The following ZC3H12B variants were observed in gnomAD, a reference collection of about 807,000 sequenced individuals.
ZC3H12B encodes the protein zinc finger CCCH-type containing 12B, also known as probable ribonuclease ZC3H12B.
ZC3H12B carries 7 observed loss-of-function variants against 43.9 expected under a neutral mutation model. The observed-to-expected ratio is 0.16, with a 90% confidence interval of 0.09 to 0.30. The LOEUF is 0.30. Ranked by LOEUF, ZC3H12B falls within the 10% of genes least tolerant of loss-of-function variation. The pLI is 1.00. For synonymous variants in ZC3H12B, 222 were observed against 241.7 expected (o/e 0.92, Z 0.76); for missense variants, 475 against 670.2 (o/e 0.71, Z 3.22).
the ZC3H12B span, among the ~76,000 whole-genome samples, chrX:65,334,911 C>A: frequency 8.9e-6 from 1 of 111,801 alleles, no homozygotes; most frequent in Non-Finnish European, 1.9e-5. Flanking sequence ...GTAATTGCCC[C>A]ATCCCCCATG....
At chrX:65,150,435 G>T in the ZC3H12B span, among the ~76,000 whole-genome samples, 1 of 109,053 alleles carries the variant, frequency 9.2e-6, no homozygotes, top group South Asian at 4.0e-4. Context: ...TTACATATTC[G>T]TGTGCCATGG....
chrX:65,121,874 A>T, the ZC3H12B span, among the ~76,000 whole-genome samples: 4 of 111,596 alleles, frequency 3.6e-5, no homozygotes, highest in African/African-American at 1.3e-4. Context: ...TTCGAAGAAC[A>T]TCTTTATTTC....
the ZC3H12B span, among the ~76,000 whole-genome samples, chrX:65,078,384 C>T: frequency 1.8e-5 from 2 of 111,890 alleles, no homozygotes; most frequent in East Asian, 5.6e-4. Flanking sequence ...CACATTCCAA[C>T]GTTTCAAGTT....
At chrX:65,107,386 A>G in the ZC3H12B span, among the ~76,000 whole-genome samples, 1 of 111,630 alleles carries the variant, frequency 9.0e-6, no homozygotes, top group Non-Finnish European at 1.9e-5. Context: ...TACCGAAAAA[A>G]GGGGTGTCTA....
At chrX:65,348,279 G>A in the ZC3H12B span, among the ~76,000 whole-genome samples, 4 of 111,479 alleles carry the variant, frequency 3.6e-5, no homozygotes, top group Non-Finnish European at 7.5e-5. Flanking sequence ...AATAAGCTAA[G>A]GAGAAATAAA....
intron 3 of ZC3H12B, among the ~76,000 whole-genome samples, chrX:65,420,990 A>G (rs974941908): frequency 8.9e-6 from 1 of 112,268 alleles, no homozygotes; most frequent in Admixed American, 9.4e-5. Flanking sequence ...AGCCAGCAAT[A>G]CACCTTGACT....
the ZC3H12B span, among the ~76,000 whole-genome samples, chrX:65,098,225 TACACACACACAC>T: frequency 6.7e-4 from 64 of 96,189 alleles, no homozygotes; most frequent in South Asian, 0.014. Flanking sequence ...CATGTCTTAG[TACACACACACAC>T]ACACACACAC....
chrX:65,263,561 A>G, the ZC3H12B span, among the ~76,000 whole-genome samples: 3 of 111,429 alleles, frequency 2.7e-5, no homozygotes, highest in Non-Finnish European at 3.8e-5. Context: ...AGTAATTGTA[A>G]TGAGGGAACT....
chrX:65,399,298 C>T (rs1180851798), intron 3 of ZC3H12B, among the ~76,000 whole-genome samples: 2 of 111,797 alleles, frequency 1.8e-5, no homozygotes, highest in African/African-American at 6.5e-5. Context: ...GATTAGTAAT[C>T]AGAATACACA....
At chrX:65,166,169 A>G in the ZC3H12B span, among the ~76,000 whole-genome samples, 1 of 110,741 alleles carries the variant, frequency 9.0e-6, no homozygotes, top group Non-Finnish European at 1.9e-5. Flanking sequence ...TACATTAGGT[A>G]TATCTCCTAA....
At chrX:65,245,839 G>GGCCAGGGCAGATT in the ZC3H12B span, among the ~76,000 whole-genome samples, 7 of 110,276 alleles carry the variant, frequency 6.3e-5, no homozygotes, top group Non-Finnish European at 1.3e-4. Context: ...TGGAAGTTCT[G>GGCCAGGGCAGATT]GCCAGGGCAA....
chrX:65,493,000 G>A (rs751543508), intron 1 of ZC3H12B, among the ~76,000 whole-genome samples: 1 of 111,189 alleles, frequency 9.0e-6, no homozygotes, highest in Non-Finnish European at 1.9e-5. Context: ...CTACTTGGGG[G>A]GCTGAGGTGG....
At chrX:65,400,601 C>A (rs1272033396) in intron 3 of ZC3H12B, among the ~76,000 whole-genome samples, 1 of 111,532 alleles carries the variant, frequency 9.0e-6, no homozygotes, top group African/African-American at 3.3e-5. Flanking sequence ...AATGCAGAAT[C>A]TTCAAAAAAT....
intron 3 of ZC3H12B, among the ~76,000 whole-genome samples, chrX:65,421,297 T>A (rs1021812883): frequency 1.8e-5 from 2 of 112,338 alleles, no homozygotes; most frequent in Non-Finnish European, 3.8e-5. Context: ...AAAATGGTCA[T>A]GATGGTAGGA....
chrX:65,437,744 T>C (rs1293508591), intron 3 of ZC3H12B, among the ~76,000 whole-genome samples: 1 of 112,165 alleles, frequency 8.9e-6, no homozygotes, highest in East Asian at 2.8e-4. Flanking sequence ...GGAAGCTTTT[T>C]AACTTGAAAT....
chrX:65,329,675 G>C, the ZC3H12B span, among the ~76,000 whole-genome samples: 1 of 110,665 alleles, frequency 9.0e-6, no homozygotes, highest in African/African-American at 3.3e-5. Flanking sequence ...GGGTTTTTAT[G>C]GTTTAAGGTC....
At chrX:65,120,382 C>G in the ZC3H12B span, among the ~76,000 whole-genome samples, 1 of 111,216 alleles carries the variant, frequency 9.0e-6, no homozygotes, top group Non-Finnish European at 1.9e-5. Context: ...AAGTTGGATT[C>G]CTAGGTATTT....
At chrX:65,374,596 G>A (rs1370438787) in intron 2 of ZC3H12B, among the ~76,000 whole-genome samples, 1 of 110,211 alleles carries the variant, frequency 9.1e-6, no homozygotes, top group Non-Finnish European at 1.9e-5. Context: ...AATCAGGTGA[G>A]CACTCATAGT....
chrX:65,250,187 T>C, the ZC3H12B span, among the ~76,000 whole-genome samples: 3 of 110,804 alleles, frequency 2.7e-5, no homozygotes, highest in East Asian at 2.8e-4. Flanking sequence ...ACATGCAGTG[T>C]TTGGTTTTTT....
Sources: gnomAD v4.1 joint callset for allele counts (sites outside exome capture counted in the v4.1 genomes callset) on GRCh38, gnomAD v4.1.1 for gene constraint, MANE v1.5 for transcripts, NCBI Gene and HGNC (gene_info 2026-07-23, HGNC 2026-07-21) for gene names.